The following SPRED2 variants were observed in gnomAD, a reference collection of about 807,000 sequenced individuals.
The protein encoded by SPRED2 is sprouty related EVH1 domain containing 2.
In SPRED2, 47 loss-of-function variants were observed where a neutral mutation model predicts 43.0. The observed-to-expected ratio is 1.09, with a 90% CI of 0.87 to 1.40. The LOEUF is 1.40. Among genes scored for constraint, SPRED2 ranks in the 40% most tolerant of loss-of-function variants. The pLI, the probability that SPRED2 is intolerant of heterozygous loss-of-function variation, is 0.00. For synonymous variants in SPRED2, 225 were observed against 225.7 expected (o/e 1.00, Z 0.03); for missense variants, 561 against 586.4 (o/e 0.96, Z 0.45).
chr2:65,376,900 G>A (rs1165348204), intron 1 of SPRED2, among the ~76,000 whole-genome samples: 1 of 152,064 alleles, frequency 6.6e-6, no homozygotes, highest in African/African-American at 2.4e-5. Context: ...ATTTTTAGTA[G>A]AGACGGGGTT....
At chr2:65,426,919 A>G (rs770220050) in intron 1 of SPRED2, among the ~76,000 whole-genome samples, 49 of 152,194 alleles carry the variant, frequency 3.2e-4, no homozygotes, top group Admixed American at 5.9e-4. Flanking sequence ...ACAAACCCAG[A>G]CCACAACCAG....
At chr2:65,365,085 T>G (rs1438219375) in intron 1 of SPRED2, among the ~76,000 whole-genome samples, 1 of 152,222 alleles carries the variant, frequency 6.6e-6, no homozygotes, top group Non-Finnish European at 1.5e-5. Context: ...GTGCTATTAT[T>G]AAATGTGTAC....
Position 65,332,071 on chromosome 2 carries a change from AT to A in SPRED2, c.374-21del. 1.3e-6 allele frequency: 2 copies of A among 1,563,220 alleles called. No individual in the cohort carries two copies. Among genetic ancestry groups the A allele is most frequent in the Non-Finnish European group, 1.8e-6 (2 of 1,139,330 alleles). Reference sequence around the variant, plus strand: ...TTGAACCTAAAAAGACAAAAATGTAATAAAAAGTGTTTCCCAAGAGGATACA... The same window carrying A: ...TTGAACCTAAAAAGACAAAAATGTAAAAAAAGTGTTTCCCAAGAGGATACA... On this transcript the variant is annotated intron_variant, in intron 3 of 5. Transcript: ENST00000356388.
intron 1 of SPRED2, among the ~76,000 whole-genome samples, chr2:65,406,994 T>C (rs193253585): frequency 0.019 from 2,955 of 151,650 alleles, 82 homozygotes; most frequent in African/African-American, 0.067. Context: ...AGTGGTGCCA[T>C]CTCGGCTCAC....
chr2:65,315,738 A>G (rs1673213163), intron 5 of SPRED2, among the ~76,000 whole-genome samples: 1 of 152,228 alleles, frequency 6.6e-6, no homozygotes, highest in African/African-American at 2.4e-5. Flanking sequence ...GGCTCACTGC[A>G]AGCTCCACCT....
At chr2:65,356,532 CCCTCTTTTTTT>C (rs1674653850) in intron 1 of SPRED2, among the ~76,000 whole-genome samples, 1 of 52,484 alleles carries the variant, frequency 1.9e-5, no homozygotes, top group African/African-American at 6.0e-5. Flanking sequence ...TTCCCCAGTT[CCCTCTTTTTTT>C]TTTTTTTTTT....
Position 65,311,721 on chromosome 2 carries a change from A to C in SPRED2, c.*1780T>G. ...CTGGAAAGCCTAAACCAGTTACTCC[A>C]ATGAATGAAGACGTCTACTAACTGA... On this transcript the variant is annotated 3_prime_UTR_variant, in exon 6 of 6. Transcript: ENST00000356388. 1.0e-6 allele frequency: 1 copy of C among 985,486 alleles called. No homozygotes were observed. Among genetic ancestry groups the C allele is most frequent in the Non-Finnish European group, 1.2e-6 (1 of 829,936 alleles). 61.0% of individuals were successfully genotyped at this position (985,486 alleles called of 1,614,324 possible).
intron 1 of SPRED2, 35 bp downstream of exon 1, chr2:65,431,927 G>A (rs774720225): frequency 3.3e-5 from 54 of 1,613,052 alleles, no homozygotes. Context: ...CTGCCCCTGA[G>A]GGGCACCCTC....
At chr2:65,384,670 T>C (rs1001090013) in intron 1 of SPRED2, among the ~76,000 whole-genome samples, 17 of 152,086 alleles carry the variant, frequency 1.1e-4, no homozygotes, top group Admixed American at 1.1e-3. Flanking sequence ...AAAGCCCTCC[T>C]TACCTCTTCC....
intron 1 of SPRED2, among the ~76,000 whole-genome samples, chr2:65,360,074 A>C (rs1674761946): frequency 1.0e-5 from 1 of 97,612 alleles, no homozygotes; most frequent in Non-Finnish European, 2.1e-5. Flanking sequence ...CAAAAAAAAA[A>C]AAAACAAAAA....
intron 1 of SPRED2, among the ~76,000 whole-genome samples, chr2:65,350,603 T>C (rs1674479526): frequency 6.6e-6 from 1 of 152,232 alleles, no homozygotes; most frequent in Non-Finnish European, 1.5e-5. Flanking sequence ...TCCCAACATG[T>C]GGACTTTTTG....
chr2:65,428,264 A>C (rs1260011684), intron 1 of SPRED2, among the ~76,000 whole-genome samples: 1 of 152,226 alleles, frequency 6.6e-6, no homozygotes, highest in Non-Finnish European at 1.5e-5. Flanking sequence ...GGTAGTGTCT[A>C]TTCCCATTTT....
At chr2:65,360,089 CA>C (rs1294319058) in intron 1 of SPRED2, among the ~76,000 whole-genome samples, 15 of 43,180 alleles carry the variant, frequency 3.5e-4, no homozygotes, top group South Asian at 1.1e-3. Flanking sequence ...CAAAAAAAAA[CA>C]AAAAAAAAAC....
intron 1 of SPRED2, among the ~76,000 whole-genome samples, chr2:65,407,726 C>T (rs116778812): frequency 1.3e-5 from 2 of 152,100 alleles, no homozygotes; most frequent in African/African-American, 2.4e-5. Context: ...CTCATGCCTC[C>T]GTGCACACAG....
chr2:65,368,265 C>T (rs113134582), intron 1 of SPRED2, among the ~76,000 whole-genome samples: 1 of 152,306 alleles, frequency 6.6e-6, no homozygotes, highest in East Asian at 1.9e-4. Context: ...CAGTCCCATC[C>T]AACATCAAAT....
intron 1 of SPRED2, among the ~76,000 whole-genome samples, chr2:65,364,673 A>T (rs767173789): frequency 3.5e-4 from 54 of 152,328 alleles, no homozygotes; most frequent in Admixed American, 8.5e-4. Context: ...TATACAAATC[A>T]CAGAAAAACA....
At chr2:65,390,624 G>C (rs1408417929) in intron 1 of SPRED2, among the ~76,000 whole-genome samples, 1 of 152,190 alleles carries the variant, frequency 6.6e-6, no homozygotes, top group Non-Finnish European at 1.5e-5. Context: ...CTCTGTAAAT[G>C]GGGATGCAAC....
chr2:65,410,341 T>C (rs1309770975), intron 1 of SPRED2, among the ~76,000 whole-genome samples: 1 of 152,186 alleles, frequency 6.6e-6, no homozygotes, highest in East Asian at 1.9e-4. Flanking sequence ...TCTCTGTCTC[T>C]CTCCTGCCCA....
intron 1 of SPRED2, chr2:65,373,619 G>T (rs1042861327): frequency 2.0e-5 from 3 of 152,238 alleles, no homozygotes; most frequent in Non-Finnish European, 4.4e-5. Flanking sequence ...GGGAGACAGA[G>T]TCTATAGCAC....
Sources: gnomAD v4.1 joint callset for allele counts (sites outside exome capture counted in the v4.1 genomes callset) on GRCh38, gnomAD v4.1.1 for gene constraint, MANE v1.5 for transcripts, NCBI Gene and HGNC (gene_info 2026-07-23, HGNC 2026-07-21) for gene names.